KLHL15: variants seen among roughly 807,000 people sequenced by gnomAD.
The protein encoded by KLHL15 is kelch-like protein 15.
KLHL15 carries 1 observed loss-of-function variant against 29.3 expected under a neutral mutation model. The observed-to-expected ratio is 0.03, with a 90% confidence interval of 0.01 to 0.16. KLHL15 has a LOEUF of 0.16. Among genes scored for constraint, KLHL15 ranks in the 10% least tolerant of loss-of-function variants. The pLI is 1.00. For synonymous variants in KLHL15, 212 were observed against 184.5 expected, an observed-to-expected ratio of 1.15 and a Z score of -1.21; for missense variants, 215 against 478.5, an observed-to-expected ratio of 0.45 and a Z score of 5.14.
chrX:24,014,584 T>C lies in KLHL15; in HGVS notation c.-7-7884A>G, dbSNP rs1240597383. Reference sequence around the variant, plus strand: ...GATACTTACTATGATGGAAATATTATAAGGCAGAGAAGCAGTGGGGGAAAA... The same window carrying C: ...GATACTTACTATGATGGAAATATTACAAGGCAGAGAAGCAGTGGGGGAAAA... On this transcript the variant is annotated intron_variant, in intron 2 of 3. Coordinates refer to ENST00000328046, the MANE Select transcript of KLHL15 (RefSeq NM_030624.3). Among the ~76,000 whole-genome samples the C allele has an allele frequency of 2.7e-5, 3 of 111,375 alleles. No homozygotes were observed. In the Admixed American group the frequency reaches 2.9e-4, roughly 11 times the overall value.
At chrX:24,015,375 G>T (rs1929655203) in intron 2 of KLHL15, among the ~76,000 whole-genome samples, 1 of 112,573 alleles carries the variant, frequency 8.9e-6, no homozygotes, top group African/African-American at 3.2e-5. Flanking sequence ...CATTTGTGAA[G>T]TTTACCTGAT....
intron 3 of KLHL15, among the ~76,000 whole-genome samples, chrX:24,004,279 C>A (rs1028206201): frequency 4.5e-5 from 5 of 110,538 alleles, no homozygotes; most frequent in African/African-American, 1.6e-4. Flanking sequence ...TTGCTGGAAC[C>A]CAGGAGGTGG....
chrX:24,002,100 TGCA>T (rs899221094), intron 3 of KLHL15, among the ~76,000 whole-genome samples: 7 of 110,138 alleles, frequency 6.4e-5, no homozygotes, highest in Non-Finnish European at 1.3e-4. Context: ...GCCACTGTAC[TGCA>T]GCCTGGGCAA....
At position 24,024,906 on chromosome X, in the gene KLHL15, G is replaced by T. The variant is rs920194883; in HGVS notation, c.-57C>A. ...AGTGGACGGCAGTCTGCATCAGGAA[G>T]AACCGGGCCAGCGGGCCGATGGGTG... is the stretch of plus-strand genomic sequence containing the variant. On this transcript the variant is annotated 5_prime_UTR_variant, in exon 2 of 4. Transcript: ENST00000328046. 1 of 297,686 alleles carries T rather than the reference G, an allele frequency of 3.4e-6. No homozygotes were observed. The highest frequency in any genetic ancestry group is 5.9e-6 in the Non-Finnish European group (1 of 170,096). 24.5% of individuals were successfully genotyped at this position (297,686 alleles called of 1,213,427 possible).
At chrX:24,021,440 C>T (rs1929801799) in intron 2 of KLHL15, among the ~76,000 whole-genome samples, 2 of 111,401 alleles carry the variant, frequency 1.8e-5, no homozygotes. Flanking sequence ...AATCCCCATG[C>T]CCCTCCACTT....
intron 2 of KLHL15, among the ~76,000 whole-genome samples, chrX:24,007,571 T>C (rs1296283891): frequency 9.8e-6 from 1 of 102,085 alleles, no homozygotes; most frequent in African/African-American, 3.5e-5. Context: ...ACAAATAATA[T>C]ATGCCTATTC....
At chrX:24,025,780 C>T (rs1179844359) in intron 1 of KLHL15, among the ~76,000 whole-genome samples, 6 of 109,861 alleles carry the variant, frequency 5.5e-5, no homozygotes, top group Admixed American at 3.8e-4. Flanking sequence ...TCCCGGCTGC[C>T]GGCCCGCCAC....
At chrX:24,011,354 A>G (rs941814275) in intron 2 of KLHL15, among the ~76,000 whole-genome samples, 1 of 107,934 alleles carries the variant, frequency 9.3e-6, no homozygotes, top group African/African-American at 3.4e-5. Flanking sequence ...AAAAAAAAAA[A>G]AAAAAGGGCC....
At position 23,991,472 on chromosome X, in the gene KLHL15, T is replaced by C. The variant is rs374538791; in HGVS notation, c.706-2442A>G. On this transcript the variant is annotated intron_variant, in intron 3 of 3. Coordinates refer to ENST00000328046, the MANE Select transcript of KLHL15 (RefSeq NM_030624.3). The stretch of plus-strand genomic sequence containing the variant: ...AGGTGGAGGTTACAGTGAGCCAAGA[T>C]CATGCCATTGCACTGCAGCCTGGGC... 3.7e-5 allele frequency among the ~76,000 whole-genome samples: 4 copies of C among 108,992 alleles called. No individual in the cohort carries two copies. The East Asian group carries it at 1.1e-3, about 31-fold the overall frequency. The allele number at this position is 108,992 out of a possible 115,157, so 94.6% of individuals were successfully genotyped here.
chrX:24,015,544 A>C (rs1471459361), intron 2 of KLHL15, among the ~76,000 whole-genome samples: 1 of 112,584 alleles, frequency 8.9e-6, no homozygotes, highest in Non-Finnish European at 1.9e-5. Context: ...GAAAACAGTG[A>C]AACACTCAGT....
chrX:24,001,289 G>C (rs770214722), intron 3 of KLHL15, among the ~76,000 whole-genome samples: 1 of 111,395 alleles, frequency 9.0e-6, no homozygotes, highest in Non-Finnish European at 1.9e-5. Flanking sequence ...CTCTGAGAAA[G>C]TGAAAAGATT....
At chrX:24,013,871 C>G (rs907891310) in intron 2 of KLHL15, among the ~76,000 whole-genome samples, 1 of 110,088 alleles carries the variant, frequency 9.1e-6, no homozygotes, top group Non-Finnish European at 1.9e-5. Context: ...TAGAAAAAAA[C>G]AATTAGAATT....
intron 3 of KLHL15, among the ~76,000 whole-genome samples, chrX:23,991,569 C>T (rs1249650810): frequency 1.8e-5 from 2 of 111,332 alleles, no homozygotes; most frequent in East Asian, 2.8e-4. Context: ...AGGCTGGGCG[C>T]GGTGGCTCAT....
chrX:24,006,250 C>G lies in KLHL15; in HGVS notation c.444G>C (p.Glu148Asp). ...AGGTGTCTAACTTCTCCCTGACTCCCTCGATGTTTACGCCGAAATCATCTA... is the reference window on the plus strand; with the variant it reads ...AGGTGTCTAACTTCTCCCTGACTCCGTCGATGTTTACGCCGAAATCATCTA... ...RLLDDFGVNI[E>D]GVREKLDTFL... The change falls in exon 3 of 4, where the codon GAG (glutamate) becomes GAC (aspartate). Residue 148 changes from glutamate to aspartate, a missense_variant. By Grantham distance (45) the Glu-to-Asp change is conservative. Coordinates refer to ENST00000328046, the MANE Select transcript of KLHL15 (RefSeq NM_030624.3). The G allele has an allele frequency of 8.3e-7, 1 of 1,211,619 alleles. No individual in the cohort carries two copies. The highest frequency in any genetic ancestry group is 1.8e-5 in the South Asian group (1 of 56,971).
chrX:24,023,931 G>A (rs1307292205), intron 2 of KLHL15, among the ~76,000 whole-genome samples: 1 of 112,159 alleles, frequency 8.9e-6, no homozygotes, highest in Non-Finnish European at 1.9e-5. Flanking sequence ...CTGCTCCCTA[G>A]ATATGAAAAA....
At chrX:24,013,411 C>T (rs989369382) in intron 2 of KLHL15, among the ~76,000 whole-genome samples, 2 of 110,559 alleles carry the variant, frequency 1.8e-5, no homozygotes, top group Non-Finnish European at 3.8e-5. Context: ...TAGAGATACA[C>T]GCCACCAGAC....
At chrX:24,023,235 C>G (rs754252938) in intron 2 of KLHL15, among the ~76,000 whole-genome samples, 18 of 111,252 alleles carry the variant, frequency 1.6e-4, no homozygotes, top group Non-Finnish European at 2.8e-4. Flanking sequence ...CTGAGATAAC[C>G]CGACTCGAGG....
chrX:24,023,768 T>C (rs938938520), intron 2 of KLHL15, among the ~76,000 whole-genome samples: 10 of 112,339 alleles, frequency 8.9e-5, no homozygotes, highest in Non-Finnish European at 1.5e-4. Flanking sequence ...CGTGTTGTGA[T>C]TAAAAATGAG....
intron 1 of KLHL15, among the ~76,000 whole-genome samples, chrX:24,025,259 G>A (rs767874340): frequency 1.8e-5 from 2 of 110,680 alleles, no homozygotes; most frequent in East Asian, 5.8e-4. Flanking sequence ...ACCAGCCGAG[G>A]AAGCGTCGAG....
Sources: allele counts gnomAD v4.1 joint callset (sites outside exome capture counted in the v4.1 genomes callset), GRCh38; gene constraint gnomAD v4.1.1; transcripts MANE v1.5; gene names NCBI Gene and HGNC (gene_info 2026-07-23, HGNC 2026-07-21).